EPB41L4A: variants seen among roughly 807,000 people sequenced by gnomAD.
The protein encoded by EPB41L4A is band 4.1-like protein 4A.
In EPB41L4A, 100 loss-of-function variants were observed where a neutral mutation model predicts 108.6. The observed-to-expected ratio is 0.92, with a 90% CI of 0.78 to 1.09. The LOEUF (loss-of-function observed/expected upper bound fraction) is 1.09. Ranked by LOEUF, EPB41L4A falls within the 50% of genes least tolerant of loss-of-function variation. The pLI, the probability that EPB41L4A is intolerant of heterozygous loss-of-function variation, is 0.00. For synonymous variants in EPB41L4A, 319 were observed against 289.0 expected (o/e 1.10, Z -1.05); for missense variants, 1,030 against 842.7 (o/e 1.22, Z -2.75).
At chr5:112,148,321 G>A (rs541036710) in intron 12 of EPB41L4A, among the ~76,000 whole-genome samples, 1 of 150,924 alleles carries the variant, frequency 6.6e-6, no homozygotes, top group South Asian at 2.1e-4. Flanking sequence ...CTTTGGCTCT[G>A]ATGATTTCCC....
intron 7 of EPB41L4A, among the ~76,000 whole-genome samples, chr5:112,261,216 A>C (rs958135647): frequency 6.6e-6 from 1 of 152,220 alleles, no homozygotes; most frequent in Admixed American, 6.5e-5. Context: ...TCTTCCCCAC[A>C]ATCTATAGCT....
At chr5:112,267,789 A>C (rs558101782) in intron 4 of EPB41L4A, among the ~76,000 whole-genome samples, 8 of 152,248 alleles carry the variant, frequency 5.3e-5, no homozygotes, top group South Asian at 2.1e-4. Context: ...GTTAAAAAAA[A>C]AACAACAACA....
At chr5:112,203,239 C>T (rs890909516) in intron 15 of EPB41L4A, among the ~76,000 whole-genome samples, 2 of 151,976 alleles carry the variant, frequency 1.3e-5, no homozygotes, top group African/African-American at 2.4e-5. Context: ...GCCTGTAATC[C>T]CAGCTACTCA....
chr5:112,391,149 A>T (rs1453510661), intron 1 of EPB41L4A, among the ~76,000 whole-genome samples: 1 of 152,162 alleles, frequency 6.6e-6, no homozygotes, highest in African/African-American at 2.4e-5. Flanking sequence ...AATTCTAAAA[A>T]CTAGAGCGCC....
intron 1 of EPB41L4A, among the ~76,000 whole-genome samples, chr5:112,407,502 G>A (rs918026948): frequency 6.6e-6 from 1 of 152,180 alleles, no homozygotes; most frequent in East Asian, 1.9e-4. Context: ...TATTTCCTGT[G>A]AGGAAAGCAG....
chr5:112,325,779 T>G (rs1384439657), intron 1 of EPB41L4A, among the ~76,000 whole-genome samples: 3 of 152,284 alleles, frequency 2.0e-5, no homozygotes, highest in African/African-American at 7.2e-5. Flanking sequence ...GTTTCTCAGT[T>G]TCTTCATTTG....
At chr5:112,269,704 A>G (rs1752126189) in intron 4 of EPB41L4A, among the ~76,000 whole-genome samples, 2 of 152,190 alleles carry the variant, frequency 1.3e-5, no homozygotes, top group Non-Finnish European at 2.9e-5. Context: ...TTGGACAATA[A>G]ATTATACTGT....
intron 17 of EPB41L4A, among the ~76,000 whole-genome samples, chr5:112,189,279 G>C (rs1171072466): frequency 1.3e-5 from 2 of 152,170 alleles, no homozygotes; most frequent in Non-Finnish European, 2.9e-5. Context: ...GCCTGTGCAG[G>C]GCACTTTCTA....
intron 1 of EPB41L4A, among the ~76,000 whole-genome samples, chr5:112,333,282 G>T (rs1004548375): frequency 3.3e-5 from 5 of 151,834 alleles, no homozygotes; most frequent in African/African-American, 1.2e-4. Context: ...GAAATATATT[G>T]GGGGGTGGGA....
chr5:112,352,200 C>G (rs979497114), intron 1 of EPB41L4A, among the ~76,000 whole-genome samples: 5 of 152,104 alleles, frequency 3.3e-5, no homozygotes, highest in Admixed American at 3.3e-4. Context: ...TTTCTAGTTC[C>G]TTGAAATACA....
chr5:112,418,739 A>G (rs1008123471), intron 1 of EPB41L4A, among the ~76,000 whole-genome samples: 2 of 152,030 alleles, frequency 1.3e-5, no homozygotes, highest in African/African-American at 4.8e-5. Context: ...GTCAAACTCA[A>G]CTTTGCTTTA....
intron 1 of EPB41L4A, among the ~76,000 whole-genome samples, chr5:112,409,296 G>A (rs2112800581): frequency 6.6e-6 from 1 of 152,244 alleles, no homozygotes; most frequent in East Asian, 1.9e-4. Context: ...TATAGAGACA[G>A]AAAGATTAGT....
chr5:112,161,647 G>T (rs773753835), downstream of EPB41L4A: 2 of 518,678 alleles, frequency 3.9e-6, no homozygotes, highest in Admixed American at 3.9e-5. Context: ...GCGTGATCTT[G>T]ACCCTGCTAG....
intron 2 of EPB41L4A, among the ~76,000 whole-genome samples, chr5:112,284,819 C>G (rs1268351036): frequency 6.6e-6 from 1 of 152,176 alleles, no homozygotes; most frequent in South Asian, 2.1e-4. Flanking sequence ...TGATGTAACC[C>G]GGAGAGCAAT....
chr5:112,154,671 AG>A, intron 12 of EPB41L4A, among the ~76,000 whole-genome samples: 1 of 152,230 alleles, frequency 6.6e-6, no homozygotes, highest in South Asian at 2.1e-4. Flanking sequence ...AAGCATAAAT[AG>A]CCCCCACAAA....
At chr5:112,212,911 T>C (rs7704087) in intron 12 of EPB41L4A, among the ~76,000 whole-genome samples, 118,352 of 152,136 alleles carry the variant, frequency 0.78, 46,752 homozygotes, top group East Asian at 1. Flanking sequence ...AATCAATTAC[T>C]TTAGGAAAAG....
chr5:112,216,509 T>C (rs923588332), intron 12 of EPB41L4A, among the ~76,000 whole-genome samples: 3 of 152,196 alleles, frequency 2.0e-5, no homozygotes, highest in Admixed American at 6.5e-5. Context: ...TAAAACAAGG[T>C]TGTGACATAC....
chr5:112,159,780 AT>A (rs1759783166), downstream of EPB41L4A, among the ~76,000 whole-genome samples: 1 of 152,124 alleles, frequency 6.6e-6, no homozygotes, highest in African/African-American at 2.4e-5. Flanking sequence ...TATACACCGG[AT>A]TTTTATGACT....
chr5:112,157,077 A>T (rs1370593010), intron 12 of EPB41L4A, among the ~76,000 whole-genome samples: 5 of 152,078 alleles, frequency 3.3e-5, no homozygotes, highest in Admixed American at 6.6e-5. Context: ...AGACAGCGTA[A>T]TATTGACACA....
Sources: allele counts gnomAD v4.1 joint callset (sites outside exome capture counted in the v4.1 genomes callset), GRCh38; gene constraint gnomAD v4.1.1; transcripts MANE v1.5; gene names NCBI Gene and HGNC (gene_info 2026-07-23, HGNC 2026-07-21).